ATP2B4: variants seen among roughly 807,000 people sequenced by gnomAD.
ATP2B4 encodes the protein plasma membrane calcium-transporting ATPase 4.
ATP2B4 carries 39 observed loss-of-function variants against 110.3 expected under a neutral mutation model. The ratio of observed to expected loss-of-function variants is 0.35; its 90% CI spans 0.27 to 0.46. ATP2B4 has a LOEUF of 0.46. ATP2B4 is among the 20% of genes least tolerant of loss of function. ATP2B4 has a pLI of 1.00. For missense variants in ATP2B4, 1,135 were observed against 1,530.9 expected (o/e 0.74, Z 4.32); for synonymous variants, 538 against 571.7 (o/e 0.94, Z 0.84).
chr1:203,732,081 G>A (rs938209328), intron 20 of ATP2B4, among the ~76,000 whole-genome samples: 1 of 150,672 alleles, frequency 6.6e-6, no homozygotes, highest in African/African-American at 2.4e-5. Context: ...GGAGGCTGAG[G>A]CAGGAGAATG....
rs111392425 is a variant in ATP2B4 at position 203,730,230 on chromosome 1, T to TAAA, written c.3309+2671_3309+2673dup. ...AGGGATGTTATATGAAGAGCTGAAT[T>TAAA]AAAAAAAAAAAAAAGAAGAAAAAGA... On this transcript the variant is annotated intron_variant, in intron 20 of 20. Coordinates refer to ENST00000357681, the MANE Select transcript of ATP2B4 (RefSeq NM_001684.5). 5.8e-5 allele frequency among the ~76,000 whole-genome samples: 8 copies of TAAA among 137,316 alleles called. No individual in the cohort carries two copies. In the East Asian group the frequency reaches 1.4e-3, roughly 25 times the overall value. The allele number at this position is 137,316 out of a possible 152,430, so 90.1% of individuals were successfully genotyped here.
At chr1:203,730,310 G>T (rs901463424) in intron 20 of ATP2B4, among the ~76,000 whole-genome samples, 5 of 151,504 alleles carry the variant, frequency 3.3e-5, no homozygotes, top group Non-Finnish European at 5.9e-5. Flanking sequence ...CCTCTCTCAA[G>T]TTCCTCCTCT....
rs917690849 is a variant in ATP2B4 at position 203,714,189 on chromosome 1, T to C, written c.2318T>C (p.Val773Ala). The change falls in exon 15 of 21, where the codon GTT becomes GCT. Residue 773 changes from valine to alanine, a missense_variant. By Grantham distance (64) the Val-to-Ala change is moderately conservative. This residue lies in a region of ATP2B4 where 368 missense variants were observed against 455.9 expected (regional missense o/e 0.81). Coordinates refer to ENST00000357681, the MANE Select transcript of ATP2B4 (RefSeq NM_001684.5). ...CTCCCAGGCATAATTGACAGCACTG[T>C]TGGGGAACACCGGCAGGTCGTGGCT... ...TLVKGIIDST[V>A]GEHRQVVAVT... 6.2e-7 allele frequency: 1 copy of C among 1,614,020 alleles called. No homozygotes were observed. Among genetic ancestry groups the C allele is most frequent in the Non-Finnish European group, 8.5e-7 (1 of 1,180,010 alleles).
Position 203,710,898 on chromosome 1 carries a change from G to T in ATP2B4, c.1821G>T (p.Arg607=). 6.2e-7 allele frequency: 1 copy of T among 1,613,834 alleles called. No individual in the cohort carries two copies. Residue 607 remains arginine, a synonymous_variant, in exon 12 of 21, where the codon CGG becomes CGT. Transcript: ENST00000357681. ...ILRKCNRILD[R]KGEAVPFKNK... ...CCAGGTGTAATCGAATCCTGGACCG[G>T]AAAGGGGAAGCAGTGCCATTCAAGA...
chr1:203,653,428 T>C (rs568363695), intron 1 of ATP2B4, among the ~76,000 whole-genome samples: 1 of 152,286 alleles, frequency 6.6e-6, no homozygotes, highest in Non-Finnish European at 1.5e-5. Context: ...ACAGTGGCTA[T>C]GCTAAACAAC....
At chr1:203,664,076 G>A (rs1272966560) in intron 1 of ATP2B4, among the ~76,000 whole-genome samples, 6 of 152,208 alleles carry the variant, frequency 3.9e-5, no homozygotes, top group African/African-American at 1.4e-4. Context: ...TTAAAAGATT[G>A]TTGCAAAGAT....
rs935487290 is a variant in ATP2B4 at position 203,739,679 on chromosome 1, T to C, written c.3443T>C (p.Leu1148Pro). The C allele has an allele frequency of 1.9e-6, 3 of 1,614,086 alleles. No homozygotes were observed. The African/African-American group carries it at 4.0e-5, about 22-fold the overall frequency. Residue 1148 changes from leucine to proline, a missense_variant, in exon 21 of 21, where the codon CTG becomes CCG. Leu to Pro is a moderately conservative substitution (Grantham distance 98). Transcript: ENST00000357681. ...IEEELPRTPL[L>P]DEEEEENPDK... The stretch of plus-strand genomic sequence containing the variant: ...GAGGAGTTGCCACGAACACCACTCC[T>C]GGATGAGGAAGAGGAGGAAAATCCT...
intron 1 of ATP2B4, 150 bp downstream of exon 1, chr1:203,627,369 G>A (rs371616536): frequency 6.6e-6 from 1 of 152,098 alleles, no homozygotes; most frequent in African/African-American, 2.4e-5. Flanking sequence ...ATGTGTGTGT[G>A]CACAGATTTG....
At chr1:203,701,232 C>A (rs1421344477) in intron 6 of ATP2B4, among the ~76,000 whole-genome samples, 1 of 152,100 alleles carries the variant, frequency 6.6e-6, no homozygotes, top group Non-Finnish European at 1.5e-5. Flanking sequence ...TGCTGGTAGC[C>A]CCAAATGCCT....
chr1:203,666,519 A>C (rs539945525), intron 1 of ATP2B4, among the ~76,000 whole-genome samples: 1 of 152,116 alleles, frequency 6.6e-6, no homozygotes, highest in Non-Finnish European at 1.5e-5. Context: ...AAAGTAGCTT[A>C]ATTTTGGCCC....
At chr1:203,628,235 G>A (rs980487485) in intron 1 of ATP2B4, among the ~76,000 whole-genome samples, 9 of 152,046 alleles carry the variant, frequency 5.9e-5, no homozygotes, top group Non-Finnish European at 8.8e-5. Context: ...TACTTGGCTC[G>A]CTCTTGGTAG....
intron 3 of ATP2B4, among the ~76,000 whole-genome samples, chr1:203,699,205 A>G (rs1279636547): frequency 6.6e-6 from 1 of 152,212 alleles, no homozygotes; most frequent in Non-Finnish European, 1.5e-5. Context: ...GTGACCTTAC[A>G]TGTGACTTCC....
At position 203,683,133 on chromosome 1, in the gene ATP2B4, GC is replaced by G; in HGVS notation, c.-72del. 1 of 1,512,882 alleles carries G rather than the reference GC, an allele frequency of 6.6e-7. No individual in the cohort carries two copies. Among genetic ancestry groups the G allele is most frequent in the Non-Finnish European group, 8.9e-7 (1 of 1,118,196 alleles). 93.7% of individuals were successfully genotyped at this position (1,512,882 alleles called of 1,614,324 possible). On this transcript the variant is annotated 5_prime_UTR_variant, in exon 2 of 21. Coordinates refer to ENST00000357681, the MANE Select transcript of ATP2B4 (RefSeq NM_001684.5). ...AGTAGGAAGAAGTTGAGACAGGGAG[GC>G]AGGAGACACTGGTCAGTTGAAGGGA...
chr1:203,653,660 G>A (rs934646581), intron 1 of ATP2B4, among the ~76,000 whole-genome samples: 1 of 152,102 alleles, frequency 6.6e-6, no homozygotes, highest in Non-Finnish European at 1.5e-5. Context: ...AGGTTCAAGT[G>A]ATTCTTCTGC....
chr1:203,681,245 G>T (rs1383177315), intron 1 of ATP2B4, among the ~76,000 whole-genome samples: 1 of 152,202 alleles, frequency 6.6e-6, no homozygotes, highest in Non-Finnish European at 1.5e-5. Context: ...AGAGGGAGGA[G>T]TATAAATCAA....
At chr1:203,728,990 T>C (rs1215123217) in intron 20 of ATP2B4, among the ~76,000 whole-genome samples, 2 of 151,612 alleles carry the variant, frequency 1.3e-5, no homozygotes, top group Non-Finnish European at 2.9e-5. Context: ...TGGTGGCACA[T>C]GCCTGTAGTC....
chr1:203,724,722 T>C (rs554028381), intron 19 of ATP2B4, among the ~76,000 whole-genome samples: 1 of 152,256 alleles, frequency 6.6e-6, no homozygotes, highest in South Asian at 2.1e-4. Flanking sequence ...CCTCTTCTCT[T>C]TCTTGCCATG....
chr1:203,680,078 AAAG>A (rs1664956223), intron 1 of ATP2B4, among the ~76,000 whole-genome samples: 1 of 142,640 alleles, frequency 7.0e-6, no homozygotes, highest in South Asian at 2.3e-4. Context: ...AAAAAAAAAA[AAAG>A]GAAGGAATTC....
rs754447212 is a variant in ATP2B4, at chr1:203,707,843, TTTCTC to T, written c.1315-13_1315-9del. On this transcript the variant is annotated splice_polypyrimidine_tract_variant and intron_variant, in intron 9 of 20. Coordinates refer to ENST00000357681, the MANE Select transcript of ATP2B4 (RefSeq NM_001684.5). ...TCCAGTTAGTCCCCCTCTCAAGTCT[TTTCTC>T]TTCTCCTTTGTAGAAAATGATGAAA... is the stretch of plus-strand genomic sequence containing the variant. 9 of 1,611,658 alleles carry T rather than the reference TTTCTC, an allele frequency of 5.6e-6. No individual in the cohort carries two copies. The highest frequency in any genetic ancestry group is 3.4e-4 in the Middle Eastern group (2 of 5,946).
Sources: allele counts gnomAD v4.1 joint callset (sites outside exome capture counted in the v4.1 genomes callset), GRCh38; gene constraint gnomAD v4.1.1; regional missense constraint gnomAD v4.1.1; transcripts MANE v1.5; gene names NCBI Gene and HGNC (gene_info 2026-07-23, HGNC 2026-07-21).